The following KLHL32 variants were observed in gnomAD, a reference collection of about 807,000 sequenced individuals.
KLHL32 encodes kelch like family member 32.
In KLHL32, 35 loss-of-function variants were observed where a neutral mutation model predicts 64.8. That is an observed-to-expected ratio of 0.54 (90% CI 0.41 to 0.72). The LOEUF (loss-of-function observed/expected upper bound fraction) is 0.72. Ranked by LOEUF, KLHL32 falls within the 30% of genes least tolerant of loss-of-function variation. KLHL32 has a pLI of 0.00. For missense variants in KLHL32, 589 were observed against 768.5 expected (o/e 0.77, Z 2.76); for synonymous variants, 259 against 281.0 (o/e 0.92, Z 0.78).
upstream of KLHL32, among the ~76,000 whole-genome samples, chr6:96,923,381 T>C (rs1768821874): frequency 6.6e-6 from 1 of 152,244 alleles, no homozygotes; most frequent in African/African-American, 2.4e-5. Context: ...AAGTTGCTTA[T>C]GAAAAATTCT....
intron 1 of KLHL32, among the ~76,000 whole-genome samples, chr6:96,959,413 G>A (rs1773645263): frequency 6.6e-6 from 1 of 152,206 alleles, no homozygotes; most frequent in Non-Finnish European, 1.5e-5. Flanking sequence ...GAGGCTACAA[G>A]TCTGAGATCA....
intron 3 of KLHL32, among the ~76,000 whole-genome samples, chr6:96,984,594 C>T (rs951597085): frequency 6.6e-6 from 1 of 152,150 alleles, no homozygotes; most frequent in Admixed American, 6.5e-5. Flanking sequence ...GGATAGTTAG[C>T]TCTTCTTGTT....
rs192492436 is a variant in KLHL32 at position 96,985,590 on chromosome 6, T to C, written c.204+9413T>C. Among the ~76,000 whole-genome samples, 14 of 152,342 alleles carry C rather than the reference T, an allele frequency of 9.2e-5. No individual in the cohort carries two copies. The East Asian group carries it at 1.2e-3, about 13-fold the overall frequency. On this transcript the variant is annotated intron_variant, in intron 3 of 10. Transcript: ENST00000369261. ...TCATTTCTTTTTATTCTTTTTTCTCTAAACTTCTCTTCTTGCTTCATTTCA... is the reference window on the plus strand; with the variant it reads ...TCATTTCTTTTTATTCTTTTTTCTCCAAACTTCTCTTCTTGCTTCATTTCA...
intron 3 of KLHL32, among the ~76,000 whole-genome samples, chr6:96,996,320 G>A (rs1778416935): frequency 6.6e-6 from 1 of 152,104 alleles, no homozygotes; most frequent in Non-Finnish European, 1.5e-5. Flanking sequence ...TTAGAGGCTG[G>A]GCGTGCTCCT....
At chr6:97,039,120 G>C (rs1436394148) in intron 3 of KLHL32, among the ~76,000 whole-genome samples, 4 of 148,526 alleles carry the variant, frequency 2.7e-5, no homozygotes, top group Admixed American at 2.7e-4. Context: ...AAAAGAAAAA[G>C]AAAATGGAAT....
Position 97,075,942 on chromosome 6 carries a change from C to A in KLHL32, c.412-9184C>A, listed in dbSNP as rs963062788. Among the ~76,000 whole-genome samples the A allele has an allele frequency of 2.0e-5, 3 of 152,166 alleles. No individual in the cohort carries two copies. The South Asian group carries it at 6.2e-4, about 32-fold the overall frequency. On this transcript the variant is annotated intron_variant, in intron 5 of 10. Coordinates refer to ENST00000369261, the MANE Select transcript of KLHL32 (RefSeq NM_052904.4). ...TTTTTTGATCTCCATAGTGTGCTCC[C>A]AGACTGTAGATTTGCACAGCGGGGT...
At chr6:97,126,521 A>T (rs1342658469) in intron 7 of KLHL32, among the ~76,000 whole-genome samples, 2 of 152,092 alleles carry the variant, frequency 1.3e-5, no homozygotes, top group African/African-American at 4.8e-5. Context: ...GGTGGGTCTC[A>T]GGTCTCTTAG....
intron 5 of KLHL32, among the ~76,000 whole-genome samples, chr6:97,082,050 G>T (rs1205108982): frequency 6.6e-6 from 1 of 152,208 alleles, no homozygotes; most frequent in Admixed American, 6.5e-5. Context: ...TTAAAGAGAT[G>T]ATAAATATGG....
intron 5 of KLHL32, among the ~76,000 whole-genome samples, chr6:97,074,571 G>A (rs572450399): frequency 1.1e-3 from 160 of 150,446 alleles, no homozygotes; most frequent in African/African-American, 3.8e-3. Context: ...TCGTAATAAT[G>A]ATTAAGACAG....
chr6:97,068,838 T>A (rs914827666), intron 5 of KLHL32, among the ~76,000 whole-genome samples: 1 of 152,238 alleles, frequency 6.6e-6, no homozygotes, highest in African/African-American at 2.4e-5. Context: ...GATATTGTAA[T>A]GGCAAATTAC....
chr6:96,934,057 T>C lies in KLHL32; in HGVS notation c.-66+9031T>C, dbSNP rs1770265810. Among the ~76,000 whole-genome samples the C allele has an allele frequency of 3.3e-5, 5 of 152,198 alleles. 1 individual carries two copies. The highest frequency in any genetic ancestry group is 2.0e-4 in the Admixed American group (3 of 15,280). ...GTCATCCATGACATAAAATTAGATA[T>C]GTTAAGTGCTTTGTTTGTATTAAGA... On this transcript the variant is annotated intron_variant, in intron 1 of 10. Coordinates refer to ENST00000369261, the MANE Select transcript of KLHL32 (RefSeq NM_052904.4).
At chr6:97,036,441 G>A (rs1453329552) in intron 3 of KLHL32, among the ~76,000 whole-genome samples, 2 of 152,128 alleles carry the variant, frequency 1.3e-5, no homozygotes, top group African/African-American at 2.4e-5. Context: ...GTTCCTTGTA[G>A]CCTTGCATTG....
chr6:96,930,248 T>G (rs1469531009), intron 1 of KLHL32, among the ~76,000 whole-genome samples: 2 of 152,218 alleles, frequency 1.3e-5, no homozygotes, highest in African/African-American at 4.8e-5. Context: ...TCATTTAAAA[T>G]CATTACTTAG....
intron 3 of KLHL32, among the ~76,000 whole-genome samples, chr6:97,007,640 G>C (rs1353837992): frequency 2.6e-5 from 4 of 152,108 alleles, no homozygotes; most frequent in African/African-American, 9.7e-5. Flanking sequence ...TCAGGTTGCT[G>C]TCCTTTGGAT....
At chr6:96,985,316 A>C (rs959584415) in intron 3 of KLHL32, among the ~76,000 whole-genome samples, 1 of 151,746 alleles carries the variant, frequency 6.6e-6, no homozygotes, top group African/African-American at 2.4e-5. Context: ...TTTTTCCTTC[A>C]TTTCAGCTTT....
chr6:96,898,701 A>AAAC, the KLHL32 span, among the ~76,000 whole-genome samples: 1 of 151,800 alleles, frequency 6.6e-6, no homozygotes, highest in Non-Finnish European at 1.5e-5. Flanking sequence ...TCAGAAAAAA[A>AAAC]AAACAAACAA....
intron 5 of KLHL32, 140 bp from the exon 6 acceptor site, chr6:97,084,986 C>CT (rs111594320): frequency 0.031 from 15,526 of 496,866 alleles, 1 homozygote; most frequent in South Asian, 0.037. Flanking sequence ...ATTGTGATTT[C>CT]TTTTTTTTTT....
chr6:96,915,921 C>G, the KLHL32 span, among the ~76,000 whole-genome samples: 10 of 151,976 alleles, frequency 6.6e-5, no homozygotes, highest in African/African-American at 2.4e-4. Flanking sequence ...AGGTGCTCCC[C>G]TTTCCTTTCC....
At chr6:96,945,521 T>C (rs755240885) in intron 1 of KLHL32, among the ~76,000 whole-genome samples, 2 of 152,188 alleles carry the variant, frequency 1.3e-5, no homozygotes, top group Non-Finnish European at 2.9e-5. Flanking sequence ...TACCACTCAA[T>C]TGTCCCTTCA....
Sources: allele counts gnomAD v4.1 joint callset (sites outside exome capture counted in the v4.1 genomes callset), GRCh38; gene constraint gnomAD v4.1.1; transcripts MANE v1.5; gene names NCBI Gene and HGNC (gene_info 2026-07-23, HGNC 2026-07-21).